EPSTI1: variants seen among roughly 807,000 people sequenced by gnomAD.
The protein encoded by EPSTI1 is epithelial-stromal interaction protein 1.
In EPSTI1, 66 loss-of-function variants were observed where a neutral mutation model predicts 49.9. The ratio of observed to expected loss-of-function variants is 1.32; its 90% CI spans 1.08 to 1.62. The LOEUF (loss-of-function observed/expected upper bound fraction) is 1.62. Ranked by LOEUF, EPSTI1 falls within the 40% of genes most tolerant of loss-of-function variation. The pLI is 0.00. For synonymous variants in EPSTI1, 137 were observed against 130.7 expected, an observed-to-expected ratio of 1.05 and a Z score of -0.33; for missense variants, 394 against 365.5, an observed-to-expected ratio of 1.08 and a Z score of -0.64.
At chr13:42,892,137 A>G (rs920765203) in intron 10 of EPSTI1, among the ~76,000 whole-genome samples, 13 of 152,220 alleles carry the variant, frequency 8.5e-5, no homozygotes, top group African/African-American at 3.1e-4. Context: ...AGAGAAATGA[A>G]GAAGGAGAGC....
intron 1 of EPSTI1, among the ~76,000 whole-genome samples, chr13:42,987,238 C>T (rs1369141206): frequency 6.6e-6 from 1 of 151,904 alleles, no homozygotes; most frequent in Non-Finnish European, 1.5e-5. Flanking sequence ...GGACTGAGCC[C>T]TTAATTTGTG....
chr13:42,970,141 C>T (rs2039731193), intron 2 of EPSTI1: 1 of 152,348 alleles, frequency 6.6e-6, no homozygotes, highest in Non-Finnish European at 1.5e-5. Context: ...TTCAGCATAG[C>T]CCCACAGCTG....
chr13:42,895,162 G>T (rs1197037632), intron 9 of EPSTI1, 54 bp from the exon 10 acceptor site: 5 of 1,376,236 alleles, frequency 3.6e-6, no homozygotes, highest in African/African-American at 2.9e-5. Flanking sequence ...AGGGCTGAGA[G>T]ATTTCTGAGA....
intron 6 of EPSTI1, among the ~76,000 whole-genome samples, chr13:42,939,114 AT>A (rs1454564211): frequency 6.6e-6 from 1 of 151,942 alleles, no homozygotes; most frequent in African/African-American, 2.4e-5. Context: ...CAGCTTCCTC[AT>A]CTCTCTCAGC....
At position 42,922,338 on chromosome 13, in the gene EPSTI1, G is replaced by C. The variant is rs889668053; in HGVS notation, c.657+3998C>G. On this transcript the variant is annotated intron_variant, in intron 7 of 10. Coordinates refer to ENST00000313624, the MANE Select transcript of EPSTI1 (RefSeq NM_033255.5). The surrounding 1 kb of genome is among the most constrained non-coding windows in gnomAD (Gnocchi z 4.8). ...GAAATTAAGGATCTGGAAGTGGAGA[G>C]ATTAGCCTGGATAGTCCAGGTGGGC... is the stretch of plus-strand genomic sequence containing the variant. Among the ~76,000 whole-genome samples the C allele has an allele frequency of 5.9e-5, 9 of 152,156 alleles. No individual in the cohort carries two copies. Among genetic ancestry groups the C allele is most frequent in the Non-Finnish European group, 1.3e-4 (9 of 68,030 alleles).
chr13:42,901,773 TTTA>T (rs1308658461), intron 8 of EPSTI1, among the ~76,000 whole-genome samples: 1 of 152,222 alleles, frequency 6.6e-6, no homozygotes, highest in African/African-American at 2.4e-5. Context: ...TTAATTTTTT[TTTA>T]TTATTATACT....
Position 42,894,997 on chromosome 13 carries a change from G to T in EPSTI1, c.915+12C>A. On this transcript the variant is annotated intron_variant, in intron 10 of 10. Coordinates refer to ENST00000313624, the MANE Select transcript of EPSTI1 (RefSeq NM_033255.5). ...CATTGAAAGATGATTTAAGAGAAAA[G>T]AAAAAACTCACCCAGCTGTTACCGC... is the stretch of plus-strand genomic sequence containing the variant. 3 of 1,595,974 alleles carry T rather than the reference G, an allele frequency of 1.9e-6. No homozygotes were observed. Among genetic ancestry groups the T allele is most frequent in the Non-Finnish European group, 2.6e-6 (3 of 1,170,604 alleles).
chr13:42,939,908 A>AC (rs1289874713), intron 6 of EPSTI1, among the ~76,000 whole-genome samples: 1 of 152,254 alleles, frequency 6.6e-6, no homozygotes. Context: ...CTCTGCACTG[A>AC]CATCACTTAA....
intron 10 of EPSTI1, among the ~76,000 whole-genome samples, chr13:42,894,689 A>C (rs2037136965): frequency 1.3e-5 from 2 of 151,948 alleles, no homozygotes; most frequent in South Asian, 2.1e-4. Flanking sequence ...AAAAAAAAAA[A>C]AAAACGTTCA....
chr13:42,985,242 AG>A (rs1475412273), intron 1 of EPSTI1, among the ~76,000 whole-genome samples: 1 of 152,006 alleles, frequency 6.6e-6, no homozygotes, highest in African/African-American at 2.4e-5. Flanking sequence ...AGGAAGACAA[AG>A]GTTTTTTAAG....
At chr13:42,914,815 T>C (rs1238103191) in intron 8 of EPSTI1, among the ~76,000 whole-genome samples, 1 of 152,130 alleles carries the variant, frequency 6.6e-6, no homozygotes, top group Non-Finnish European at 1.5e-5. Flanking sequence ...CTGTGGCATA[T>C]TTCTGACAAA....
chr13:42,954,114 C>G, intron 5 of EPSTI1, 93 bp from the exon 6 acceptor site: 3 of 1,032,274 alleles, frequency 2.9e-6, no homozygotes. Flanking sequence ...TCCTAAGGTT[C>G]AACTGGCCTT....
At chr13:42,968,030 T>C (rs1423750499) in intron 3 of EPSTI1, among the ~76,000 whole-genome samples, 1 of 152,188 alleles carries the variant, frequency 6.6e-6, no homozygotes, top group Non-Finnish European at 1.5e-5. Flanking sequence ...GAGACTGTTT[T>C]AGGCCTAGAA....
At chr13:42,908,755 C>G (rs1193366558) in intron 8 of EPSTI1, among the ~76,000 whole-genome samples, 1 of 151,900 alleles carries the variant, frequency 6.6e-6, no homozygotes, top group Non-Finnish European at 1.5e-5. Context: ...TCAAACAACT[C>G]AATAGCAAGA....
chr13:42,981,575 T>G (rs1263542031), intron 1 of EPSTI1, among the ~76,000 whole-genome samples: 1 of 152,244 alleles, frequency 6.6e-6, no homozygotes, highest in Non-Finnish European at 1.5e-5. Flanking sequence ...TGGAATCCAG[T>G]GCAGAAAAGT....
intron 6 of EPSTI1, among the ~76,000 whole-genome samples, chr13:42,952,220 G>C (rs573673451): frequency 9.2e-5 from 14 of 152,310 alleles, no homozygotes; most frequent in Admixed American, 2.6e-4. Context: ...GCGGCAACCT[G>C]TTTGGGTCCC....
chr13:42,938,114 G>A (rs2038625935), intron 6 of EPSTI1, among the ~76,000 whole-genome samples: 1 of 151,572 alleles, frequency 6.6e-6, no homozygotes, highest in Non-Finnish European at 1.5e-5. Context: ...CTTGGTTCTT[G>A]GTTTTGATAT....
intron 6 of EPSTI1, among the ~76,000 whole-genome samples, chr13:42,948,264 C>A (rs962311178): frequency 6.6e-5 from 10 of 152,202 alleles, no homozygotes; most frequent in Non-Finnish European, 1.3e-4. Context: ...TGCATCAAGG[C>A]CTGGGCCCTG....
chr13:42,908,434 C>T (rs182619940), intron 8 of EPSTI1, among the ~76,000 whole-genome samples: 3 of 143,158 alleles, frequency 2.1e-5, no homozygotes, highest in African/African-American at 7.8e-5. Context: ...CGCAGTGAGC[C>T]GAGATGGTGC....
Sources: gnomAD v4.1 joint callset for allele counts (sites outside exome capture counted in the v4.1 genomes callset) on GRCh38, gnomAD v4.1.1 for gene constraint, Gnocchi (gnomAD v3.1) non-coding constraint, MANE v1.5 for transcripts, NCBI Gene and HGNC (gene_info 2026-07-23, HGNC 2026-07-21) for gene names.